Variants in CDH7 observed in about 807,000 individuals in gnomAD.
CDH7 encodes cadherin-7.
CDH7 carries 25 observed loss-of-function variants against 71.8 expected under a neutral mutation model. The observed-to-expected ratio is 0.35, with a 90% CI of 0.25 to 0.49. CDH7 has a LOEUF of 0.49. Ranked by LOEUF, CDH7 falls within the 20% of genes least tolerant of loss-of-function variation. CDH7 has a pLI of 0.99. For synonymous variants in CDH7, 381 were observed against 363.8 expected (o/e 1.05, Z -0.54); for missense variants, 862 against 974.6 (o/e 0.88, Z 1.54).
intron 2 of CDH7, among the ~76,000 whole-genome samples, chr18:65,786,243 A>G (rs947429694): frequency 1.3e-5 from 2 of 152,054 alleles, no homozygotes; most frequent in African/African-American, 4.8e-5. Flanking sequence ...TTCATTGACA[A>G]ATGACATTAG....
chr18:65,852,075 T>C (rs575169441), intron 7 of CDH7, among the ~76,000 whole-genome samples: 1 of 152,100 alleles, frequency 6.6e-6, no homozygotes, highest in South Asian at 2.1e-4. Flanking sequence ...GGCACAGAAT[T>C]GGAGATGTGT....
intron 2 of CDH7, among the ~76,000 whole-genome samples, chr18:65,800,120 C>T (rs915225979): frequency 1.3e-5 from 2 of 152,124 alleles, no homozygotes; most frequent in Admixed American, 6.5e-5. Context: ...TATTCTGTCG[C>T]CCAGGCTGGA....
At chr18:65,816,436 T>C (rs905762247) in intron 4 of CDH7, among the ~76,000 whole-genome samples, 1 of 152,192 alleles carries the variant, frequency 6.6e-6, no homozygotes, top group Admixed American at 6.6e-5. Flanking sequence ...TCCTGATGTC[T>C]GTCTGATTCA....
chr18:65,778,549 T>TTTTTTTTTTTTTTTTTC (rs1267851629), intron 2 of CDH7, among the ~76,000 whole-genome samples: 1 of 146,802 alleles, frequency 6.8e-6, no homozygotes, highest in African/African-American at 2.6e-5. Context: ...TTTTTTTTTT[T>TTTTTTTTTTTTTTTTTC]ACATAAAAAT....
At chr18:65,754,060 ACT>A (rs201619002) in intron 1 of CDH7, among the ~76,000 whole-genome samples, 2,322 of 152,152 alleles carry the variant, frequency 0.015, 51 homozygotes, top group African/African-American at 0.052. Context: ...ATTATAAAAA[ACT>A]CTCTGAATAT....
chr18:65,807,935 A>T (rs1911384389), intron 2 of CDH7, among the ~76,000 whole-genome samples: 1 of 152,142 alleles, frequency 6.6e-6, no homozygotes, highest in Admixed American at 6.5e-5. Flanking sequence ...CCTAGCACAC[A>T]GGGCAACAAT....
chr18:65,877,159 C>G (rs1227042554), intron 11 of CDH7, among the ~76,000 whole-genome samples: 1 of 152,100 alleles, frequency 6.6e-6, no homozygotes, highest in Non-Finnish European at 1.5e-5. Context: ...TGAGATCATT[C>G]AAATGTTAAA....
At chr18:65,837,028 T>C (rs1170096808) in intron 6 of CDH7, among the ~76,000 whole-genome samples, 5 of 152,180 alleles carry the variant, frequency 3.3e-5, no homozygotes, top group Non-Finnish European at 7.3e-5. Context: ...CATAGACCTC[T>C]ATGAATGCAT....
At chr18:65,874,802 G>T (rs2144061701) in intron 11 of CDH7, among the ~76,000 whole-genome samples, 1 of 151,884 alleles carries the variant, frequency 6.6e-6, no homozygotes, top group East Asian at 1.9e-4. Flanking sequence ...GTACCATTTT[G>T]TGATGATCAG....
At chr18:65,759,401 T>C (rs1942268) in intron 1 of CDH7, among the ~76,000 whole-genome samples, 8 of 151,554 alleles carry the variant, frequency 5.3e-5, no homozygotes, top group African/African-American at 1.9e-4. Flanking sequence ...TGTGGCACCA[T>C]GCCCGGCTAA....
chr18:65,803,685 A>T (rs1007049459), intron 2 of CDH7: 1 of 152,126 alleles, frequency 6.6e-6, no homozygotes, highest in Non-Finnish European at 1.5e-5. Flanking sequence ...CTTGTTTATA[A>T]TATGTATATT....
At chr18:65,769,455 A>G (rs904772640) in intron 2 of CDH7, among the ~76,000 whole-genome samples, 1 of 152,240 alleles carries the variant, frequency 6.6e-6, no homozygotes, top group African/African-American at 2.4e-5. Flanking sequence ...AAACTTATAA[A>G]TAAGTTGCAA....
At chr18:65,768,131 T>A (rs758003079) in intron 2 of CDH7, among the ~76,000 whole-genome samples, 4 of 152,364 alleles carry the variant, frequency 2.6e-5, no homozygotes, top group Non-Finnish European at 4.4e-5. Context: ...TCTGCCTTTT[T>A]AACAATGTTT....
intron 5 of CDH7, among the ~76,000 whole-genome samples, chr18:65,822,879 A>C (rs1911986527): frequency 6.6e-6 from 1 of 151,958 alleles, no homozygotes; most frequent in African/African-American, 2.4e-5. Context: ...AAAAGAAAAA[A>C]AAAATTCTCT....
intron 2 of CDH7, among the ~76,000 whole-genome samples, chr18:65,769,933 G>C (rs1024532163): frequency 1.3e-5 from 2 of 152,068 alleles, no homozygotes; most frequent in Admixed American, 1.3e-4. Context: ...TGTCTGCCAG[G>C]TTCCTTCACG....
intron 2 of CDH7, among the ~76,000 whole-genome samples, chr18:65,789,919 C>G (rs548611601): frequency 2.5e-4 from 38 of 151,988 alleles, no homozygotes; most frequent in Non-Finnish European, 4.6e-4. Flanking sequence ...TGCAGTTTGG[C>G]CATGTTAAAT....
chr18:65,822,433 G>A (rs1008637219), intron 5 of CDH7, among the ~76,000 whole-genome samples, 185 bp downstream of exon 5: 18 of 152,000 alleles, frequency 1.2e-4, no homozygotes, highest in Non-Finnish European at 2.6e-4. Context: ...AGGGTATTGA[G>A]AAGAAATAGA....
intron 5 of CDH7, among the ~76,000 whole-genome samples, chr18:65,823,886 C>T (rs1041141419): frequency 2.0e-5 from 3 of 151,752 alleles, no homozygotes; most frequent in African/African-American, 4.8e-5. Flanking sequence ...AGGAATATAG[C>T]ATGCTGCGGT....
chr18:65,812,183 G>A (rs768658719), intron 3 of CDH7, among the ~76,000 whole-genome samples: 34 of 151,780 alleles, frequency 2.2e-4, no homozygotes, highest in Non-Finnish European at 3.2e-4. Context: ...TGGCCAGGAT[G>A]GTCTCAATCT....
Sources: allele counts gnomAD v4.1 joint callset (sites outside exome capture counted in the v4.1 genomes callset), GRCh38; gene constraint gnomAD v4.1.1; transcripts MANE v1.5; gene names NCBI Gene and HGNC (gene_info 2026-07-23, HGNC 2026-07-21).